The following SETD1B variants were observed in gnomAD, a reference collection of about 807,000 sequenced individuals.
SETD1B encodes the protein histone-lysine N-methyltransferase SETD1B.
Under a neutral mutation model 148.0 loss-of-function variants are expected in SETD1B, and 7 were observed. That is an observed-to-expected ratio of 0.05 (90% confidence interval 0.03 to 0.09). The LOEUF (loss-of-function observed/expected upper bound fraction) is 0.09, where lower values mean the gene tolerates loss of function less well. Among genes scored for constraint, SETD1B ranks in the 10% least tolerant of loss-of-function variants. The pLI, the probability that SETD1B is intolerant of heterozygous loss-of-function variation, is 1.00. For missense variants in SETD1B, 2,155 were observed against 2,729.9 expected (o/e 0.79, Z 4.69); for synonymous variants, 1,361 against 1,186.5 (o/e 1.15, Z -3.02).
chr12:121,798,467 T>C, the SETD1B span, among the ~76,000 whole-genome samples: 2 of 151,990 alleles, frequency 1.3e-5, no homozygotes, highest in South Asian at 2.1e-4. Context: ...ACGATCACAA[T>C]GGAGGCCAAC....
Position 121,805,041 on chromosome 12 carries a change from A to G in SETD1B, c.175-77A>G. The G allele has an allele frequency of 6.7e-7, 1 of 1,490,590 alleles. No individual in the cohort carries two copies. Among genetic ancestry groups the G allele is most frequent in the African/African-American group, 1.4e-5 (1 of 71,696 alleles). The allele number at this position is 1,490,590 out of a possible 1,614,324, so 92.3% of individuals were successfully genotyped here. A position where few individuals can be genotyped will look rare whatever the true frequency, so the allele number is the denominator to read the frequency against. On this transcript the variant is annotated intron_variant, in intron 2 of 16. Transcript: ENST00000604567. The surrounding 1 kb of genome is among the most constrained non-coding windows in gnomAD (Gnocchi z 4.2). ...GGGGCCCCAGCCCTGGAGTTTGACA[A>G]GTGCCTCGAGAAAGGGGTCTGCCCA...
chr12:121,793,016 G>T, the SETD1B span: 1 of 717,968 alleles, frequency 1.4e-6, no homozygotes, highest in Non-Finnish European at 2.3e-6. Flanking sequence ...GCGCCCCTGA[G>T]CGGCCTCCAG....
intron 12 of SETD1B, 146 bp from the exon 13 acceptor site, chr12:121,825,054 G>A (rs1161374975): frequency 1.4e-6 from 1 of 737,322 alleles, no homozygotes. Flanking sequence ...TGGTCAGCGG[G>A]CAGCCACGTG....
intron 6 of SETD1B, among the ~76,000 whole-genome samples, chr12:121,813,675 T>G (rs1876145366): frequency 6.6e-6 from 1 of 152,186 alleles, no homozygotes. Flanking sequence ...TGCAACAGAA[T>G]CTCTGAAATT....
At chr12:121,822,054 C>T (rs940093895) in intron 11 of SETD1B, among the ~76,000 whole-genome samples, 2 of 152,016 alleles carry the variant, frequency 1.3e-5, no homozygotes, top group South Asian at 2.1e-4. Context: ...GCATTCCACC[C>T]GTCTCAAAAA....
chr12:121,825,505 GGAGAGGC>G, intron 13 of SETD1B, 139 bp downstream of exon 13: 1 of 695,848 alleles, frequency 1.4e-6, no homozygotes, highest in Non-Finnish European at 2.3e-6. Context: ...AAGTGGAAGG[GGAGAGGC>G]GGGTGGGCGG....
At position 121,810,973 on chromosome 12, in the gene SETD1B, T is replaced by TA; in HGVS notation, c.1890+139dup. 8.6e-7 allele frequency: 1 copy of TA among 1,161,838 alleles called. No homozygotes were observed. The highest frequency in any genetic ancestry group is 1.2e-6 in the Non-Finnish European group (1 of 856,662). The allele number at this position is 1,161,838 out of a possible 1,614,324, so 72.0% of individuals were successfully genotyped here. A position where few individuals can be genotyped will look rare whatever the true frequency, so the allele number is the denominator to read the frequency against. On this transcript the variant is annotated intron_variant, in intron 6 of 16. Coordinates refer to ENST00000604567, the MANE Select transcript of SETD1B (RefSeq NM_001353345.2). The surrounding 1 kb of genome is among the most constrained non-coding windows in gnomAD (Gnocchi z 7.6). Reference sequence around the variant, plus strand: ...GAAAGCCAATATAACAGGTGGAACTTACAGAATAAAAAGGGGATGCAGAAA... The same window carrying TA: ...GAAAGCCAATATAACAGGTGGAACTTAACAGAATAAAAAGGGGATGCAGAAA...
At chr12:121,798,810 C>T in the SETD1B span, among the ~76,000 whole-genome samples, 1 of 152,184 alleles carries the variant, frequency 6.6e-6, no homozygotes, top group Admixed American at 6.5e-5. Context: ...GAGGGGGGCT[C>T]CGAGACCAAG....
At chr12:121,799,180 G>A (rs1214116501), upstream of SETD1B, 2 of 152,218 alleles carry the variant, frequency 1.3e-5, no homozygotes, top group African/African-American at 4.8e-5. Flanking sequence ...CCCTGTTTTC[G>A]GAGATGGAGA....
In SETD1B at chr12:121,830,446, A is replaced by C. The variant is rs1257059609; in HGVS notation, c.*207A>C. 2.0e-6 allele frequency: 1 copy of C among 508,792 alleles called. No homozygotes were observed. The highest frequency in any genetic ancestry group is 3.5e-6 in the Non-Finnish European group (1 of 285,818). The allele number at this position is 508,792 out of a possible 1,614,324, so 31.5% of individuals were successfully genotyped here. ...GCGGGAAAGGGCTTCTCTGTCGTTCAGCCCACGTCTCTCTCATTTTAACAA... is the reference window on the plus strand; with the variant it reads ...GCGGGAAAGGGCTTCTCTGTCGTTCCGCCCACGTCTCTCTCATTTTAACAA... On this transcript the variant is annotated 3_prime_UTR_variant, in exon 17 of 17. Transcript: ENST00000604567. The surrounding 1 kb of genome is among the most constrained non-coding windows in gnomAD (Gnocchi z 5.7).
In SETD1B at chr12:121,819,691, A is replaced by G. The variant is rs1247410516; in HGVS notation, c.3706A>G (p.Ile1236Val). 1.9e-6 allele frequency: 3 copies of G among 1,551,090 alleles called. No homozygotes were observed. The highest frequency in any genetic ancestry group is 2.0e-5 in the Admixed American group (1 of 50,984). ...DSLGMEEEVD[I>V]ETEAVAPEER... ...GTTGGGCATGGAAGAGGAGGTGGAC[A>G]TCGAGACTGAGGCTGTGGCCCCTGA... The change falls in exon 11 of 17, where the codon ATC becomes GTC. Residue 1236 changes from isoleucine to valine, a missense_variant. This residue lies in a region of SETD1B where 862 missense variants were observed against 873.8 expected (regional missense o/e 0.99). Transcript: ENST00000604567.
intron 6 of SETD1B, among the ~76,000 whole-genome samples, chr12:121,812,711 T>C (rs2019561): frequency 0.79 from 120,059 of 151,992 alleles, 47,880 homozygotes; most frequent in East Asian, 0.98. Flanking sequence ...CCCGAGCCCG[T>C]CTGTCTCTTC....
rs1261798643 is a variant in SETD1B at position 121,808,909 on chromosome 12, C to T, written c.657+589C>T. 6.6e-6 allele frequency among the ~76,000 whole-genome samples: 1 copy of T among 152,108 alleles called. No homozygotes were observed. The highest frequency in any genetic ancestry group is 1.5e-5 in the Non-Finnish European group (1 of 68,024). On this transcript the variant is annotated intron_variant, in intron 5 of 16. Transcript: ENST00000604567. This position sits in a 1 kb window ranked among gnomAD's most constrained non-coding sequence, Gnocchi z 5.3. ...TTTTTGAGACAGAGTCTCAGTCTGTCCCCAGGCTGGAGTGCAGTGGTGCGA... is the reference window on the plus strand; with the variant it reads ...TTTTTGAGACAGAGTCTCAGTCTGTTCCCAGGCTGGAGTGCAGTGGTGCGA...
In SETD1B at chr12:121,808,386, C is replaced by T; in HGVS notation, c.657+66C>T. The T allele has an allele frequency of 9.1e-7, 1 of 1,093,422 alleles. No homozygotes were observed. The highest frequency in any genetic ancestry group is 1.3e-6 in the Non-Finnish European group (1 of 745,262). The allele number at this position is 1,093,422 out of a possible 1,614,324, so 67.7% of individuals were successfully genotyped here. A position where few individuals can be genotyped will look rare whatever the true frequency, so the allele number is the denominator to read the frequency against. Reference sequence around the variant, plus strand: ...TGATGTGCCCCCCACCTCTGGAAAGCCTCACCAACTCTCTTATGGGACCCC... The same window carrying T: ...TGATGTGCCCCCCACCTCTGGAAAGTCTCACCAACTCTCTTATGGGACCCC... On this transcript the variant is annotated intron_variant, in intron 5 of 16. Coordinates refer to ENST00000604567, the MANE Select transcript of SETD1B (RefSeq NM_001353345.2). The surrounding 1 kb of genome is among the most constrained non-coding windows in gnomAD (Gnocchi z 5.3).
At chr12:121,793,072 C>T in the SETD1B span, 1 of 1,222,642 alleles carries the variant, frequency 8.2e-7, no homozygotes, top group Non-Finnish European at 1.2e-6. Context: ...AGGGCGGGGA[C>T]ACCCAGTGGG....
Position 121,805,382 on chromosome 12 carries a change from G to A in SETD1B, c.273+166G>A, listed in dbSNP as rs907411294. Among the ~76,000 whole-genome samples the A allele has an allele frequency of 1.3e-5, 2 of 152,142 alleles. No individual in the cohort carries two copies. Among genetic ancestry groups the A allele is most frequent in the Non-Finnish European group, 2.9e-5 (2 of 68,020 alleles). ...GCTGGCGAGAGGGTGTCCCCTCTCA[G>A]CTACTGAAAACAAAATAACACTGGG... On this transcript the variant is annotated intron_variant, in intron 3 of 16. Transcript: ENST00000604567. The surrounding 1 kb of genome is among the most constrained non-coding windows in gnomAD (Gnocchi z 4.2).
At chr12:121,825,404 G>A in intron 13 of SETD1B, 38 bp downstream of exon 13, 1 of 1,529,482 alleles carries the variant, frequency 6.5e-7, no homozygotes, top group Non-Finnish European at 8.8e-7. Context: ...GAGCCTGCTG[G>A]GCTGGGCCAC....
rs1032808311 is a variant in SETD1B, at chr12:121,808,870, T to C, written c.657+550T>C. Among the ~76,000 whole-genome samples, 1 of 152,162 alleles carries C rather than the reference T, an allele frequency of 6.6e-6. No individual in the cohort carries two copies. Among genetic ancestry groups the C allele is most frequent in the Non-Finnish European group, 1.5e-5 (1 of 68,020 alleles). Reference sequence around the variant, plus strand: ...CACTGGCCTGTTCATCACTTTTTTTTTGTTTTATTTATTTTTTTGAGACAG... The same window carrying C: ...CACTGGCCTGTTCATCACTTTTTTTCTGTTTTATTTATTTTTTTGAGACAG... On this transcript the variant is annotated intron_variant, in intron 5 of 16. Coordinates refer to ENST00000604567, the MANE Select transcript of SETD1B (RefSeq NM_001353345.2). This position sits in a 1 kb window ranked among gnomAD's most constrained non-coding sequence, Gnocchi z 5.3.
chr12:121,820,901 T>C (rs1349185957), intron 11 of SETD1B, among the ~76,000 whole-genome samples: 2 of 152,182 alleles, frequency 1.3e-5, no homozygotes, highest in Non-Finnish European at 2.9e-5. Context: ...AACACATGGC[T>C]AGGGCCCACG....
Sources: allele counts gnomAD v4.1 joint callset (sites outside exome capture counted in the v4.1 genomes callset), GRCh38; gene constraint gnomAD v4.1.1; regional missense constraint gnomAD v4.1.1; non-coding constraint Gnocchi (gnomAD v3.1); transcripts MANE v1.5; gene names NCBI Gene and HGNC (gene_info 2026-07-23, HGNC 2026-07-21).